The following ZNF737 variants were observed in gnomAD, a reference collection of about 807,000 sequenced individuals.
The protein encoded by ZNF737 is zinc finger protein 102 (Y3).
ZNF737 carries 13 observed loss-of-function variants against 11.7 expected under a neutral mutation model. That is an observed-to-expected ratio of 1.11 (90% confidence interval 0.73 to 1.77). The LOEUF (loss-of-function observed/expected upper bound fraction) is 1.77. ZNF737 is among the 40% of genes most tolerant of loss of function. The pLI, the probability that ZNF737 is intolerant of heterozygous loss-of-function variation, is 0.00. For missense variants in ZNF737, 636 were observed against 638.0 expected, an observed-to-expected ratio of 1.00 and a Z score of 0.03; for synonymous variants, 217 against 216.2, an observed-to-expected ratio of 1.00 and a Z score of -0.03.
At chr19:20,554,732 C>T (rs187551406) in intron 1 of ZNF737, among the ~76,000 whole-genome samples, 2,484 of 152,252 alleles carry the variant, frequency 0.016, 29 homozygotes, top group Non-Finnish European at 0.028. Flanking sequence ...ACAGATAACT[C>T]CTGTGTTCTG....
rs1486867020 is a variant in ZNF737, at chr19:20,539,116, T to G, written c.*5476A>C. On this transcript the variant is annotated 3_prime_UTR_variant, in exon 4 of 4. Coordinates refer to ENST00000427401, the MANE Select transcript of ZNF737 (RefSeq NM_001159293.2). ...TTCAAGACAAGCCTGGCTAACATGA[T>G]GAAATCCCATCTCTACTACAAAAAT... 2.0e-5 allele frequency: 12 copies of G among 602,966 alleles called. No individual in the cohort carries two copies. The highest frequency in any genetic ancestry group is 2.4e-5 in the Non-Finnish European group (12 of 500,344). The allele number at this position is 602,966 out of a possible 1,614,324, so 37.4% of individuals were successfully genotyped here. A position where few individuals can be genotyped will look rare whatever the true frequency, so the allele number is the denominator to read the frequency against.
rs1555756118 is a variant in ZNF737 at position 20,544,791 on chromosome 19, T to C, written c.1412A>G (p.His471Arg). The C allele has an allele frequency of 2.5e-6, 4 of 1,609,590 alleles. No homozygotes were observed. The highest frequency in any genetic ancestry group is 1.7e-5 in the Admixed American group (1 of 59,288). Residue 471 changes from histidine to arginine, a missense_variant, in exon 4 of 4, where the codon CAT (histidine) becomes CGT (arginine). His to Arg is a conservative substitution (Grantham distance 29). Transcript: ENST00000427401. ...TTTCTCTCCAGTATGAATTCTCTTA[T>C]GTGCAGTAAGGTGTGAGGACGAGTT... ...AFNSSSHLTAHKRIHTGEKPY... is the reference protein window; with the variant it reads ...AFNSSSHLTARKRIHTGEKPY...
rs185186708 is a variant in ZNF737, at chr19:20,562,583, C to T, written c.3+3055G>A. Among the ~76,000 whole-genome samples the T allele has an allele frequency of 2.0e-5, 3 of 151,724 alleles. No homozygotes were observed. The East Asian group carries it at 5.8e-4, about 29-fold the overall frequency. On this transcript the variant is annotated intron_variant, in intron 1 of 3. Transcript: ENST00000427401. ...ATGTTGGTCAGGCTGGTCTCGAACT[C>T]CCGACCTCAGGTGATCTGCCCACCT...
chr19:20,543,342 A>T lies in ZNF737; in HGVS notation c.*1250T>A, dbSNP rs544734594. ...TGTGTGCAATAAGATCTGTGATACT[A>T]GTAAATGTACTATGTAACTCCCTTT... On this transcript the variant is annotated 3_prime_UTR_variant, in exon 4 of 4. Transcript: ENST00000427401. 1.0e-6 allele frequency: 1 copy of T among 986,412 alleles called. No individual in the cohort carries two copies. Among genetic ancestry groups the T allele is most frequent in the African/African-American group, 1.7e-5 (1 of 57,416 alleles). The allele number at this position is 986,412 out of a possible 1,614,324, so 61.1% of individuals were successfully genotyped here.
At chr19:20,531,070 A>G (rs1366665964), downstream of ZNF737, among the ~76,000 whole-genome samples, 1 of 146,810 alleles carries the variant, frequency 6.8e-6, no homozygotes, top group African/African-American at 2.5e-5. Flanking sequence ...CACCAAAAAA[A>G]TACGAAAACC....
At chr19:20,548,727 T>C (rs1435400242) in intron 3 of ZNF737, among the ~76,000 whole-genome samples, 2 of 147,280 alleles carry the variant, frequency 1.4e-5, no homozygotes, top group Non-Finnish European at 3.0e-5. Context: ...CAGCTGCACA[T>C]CACTATGGCT....
chr19:20,550,850 C>T (rs898290738), intron 3 of ZNF737, among the ~76,000 whole-genome samples: 2 of 152,230 alleles, frequency 1.3e-5, no homozygotes, highest in Non-Finnish European at 2.9e-5. Flanking sequence ...CTCTCATTCA[C>T]GTGGGAAACT....
chr19:20,547,805 C>A (rs1033033696), intron 3 of ZNF737, among the ~76,000 whole-genome samples: 3 of 152,044 alleles, frequency 2.0e-5, no homozygotes, highest in Non-Finnish European at 2.9e-5. Flanking sequence ...AAAGACACAG[C>A]CATTATTTTA....
At chr19:20,557,796 T>C (rs1968945067) in intron 1 of ZNF737, among the ~76,000 whole-genome samples, 1 of 151,998 alleles carries the variant, frequency 6.6e-6, no homozygotes, top group African/African-American at 2.4e-5. Flanking sequence ...TTTGTATTAT[T>C]AGTAGAGACA....
chr19:20,532,330 A>C (rs1470725216), downstream of ZNF737, among the ~76,000 whole-genome samples: 1 of 150,162 alleles, frequency 6.7e-6, no homozygotes, highest in Non-Finnish European at 1.5e-5. Context: ...TCTCAGCTTC[A>C]GGGGTAGAAT....
chr19:20,544,965 G>GTAAGGGAAGAGGAGTACT lies in ZNF737; in HGVS notation c.1220_1237dup (p.Lys407_Leu412dup), dbSNP rs1555756323. On this transcript the variant is annotated inframe_insertion, in exon 4 of 4. Coordinates refer to ENST00000427401, the MANE Select transcript of ZNF737 (RefSeq NM_001159293.2). ...TCCAGTATGGATTATCTTATGTGTAGTAAGGGAAGAGGAGTACTTAAAGGC... is the reference window on the plus strand; with the variant it reads ...TCCAGTATGGATTATCTTATGTGTAGTAAGGGAAGAGGAGTACTTAAGGGAAGAGGAGTACTTAAAGGC... 1.9e-6 allele frequency: 3 copies of GTAAGGGAAGAGGAGTACT among 1,612,982 alleles called. No homozygotes were observed. In the African/African-American group the frequency reaches 4.0e-5, roughly 22 times the overall value.
In ZNF737 at chr19:20,544,831, A is replaced by G. The variant is rs1555756176; in HGVS notation, c.1372T>C (p.Cys458Arg). 1 of 1,613,394 alleles carries G rather than the reference A, an allele frequency of 6.2e-7. No homozygotes were observed. Among genetic ancestry groups the G allele is most frequent in the East Asian group, 2.2e-5 (1 of 44,838 alleles). The part of the protein sequence containing the change: ...TGEKPYKCEE[C>R]GKAFNSSSHL... ...GAGGACGAGTTGAAGGCTTTGCCACATTCTTCACATTTGTAGGGTTTCTCT... is the reference window on the plus strand; with the variant it reads ...GAGGACGAGTTGAAGGCTTTGCCACGTTCTTCACATTTGTAGGGTTTCTCT... Residue 458 changes from cysteine to arginine, a missense_variant, in exon 4 of 4, where the codon TGT becomes CGT. Coordinates refer to ENST00000427401, the MANE Select transcript of ZNF737 (RefSeq NM_001159293.2).
chr19:20,541,429 C>A lies in ZNF737; in HGVS notation c.*3163G>T. Reference sequence around the variant, plus strand: ...CAAGTATTTATAATTTTTCAGGACTCAGAAATGTATGGATTTTATTTTTAT... The same window carrying A: ...CAAGTATTTATAATTTTTCAGGACTAAGAAATGTATGGATTTTATTTTTAT... On this transcript the variant is annotated 3_prime_UTR_variant, in exon 4 of 4. Transcript: ENST00000427401. 1 of 976,274 alleles carries A rather than the reference C, an allele frequency of 1.0e-6. No homozygotes were observed. Among genetic ancestry groups the A allele is most frequent in the Non-Finnish European group, 1.2e-6 (1 of 821,698 alleles). 60.5% of individuals were successfully genotyped at this position (976,274 alleles called of 1,614,324 possible).
At chr19:20,562,801 T>C (rs1234334898) in intron 1 of ZNF737, among the ~76,000 whole-genome samples, 1 of 152,048 alleles carries the variant, frequency 6.6e-6, no homozygotes, top group Non-Finnish European at 1.5e-5. Flanking sequence ...CTTATCTCCC[T>C]CCCTCAGGCT....
intron 1 of ZNF737, among the ~76,000 whole-genome samples, chr19:20,555,595 A>T (rs1336838361): frequency 6.6e-6 from 1 of 152,220 alleles, no homozygotes. Flanking sequence ...CCAATAGAAC[A>T]TGAGAAGTTA....
intron 3 of ZNF737, among the ~76,000 whole-genome samples, chr19:20,546,922 CTG>C (rs1445303864): frequency 2.0e-5 from 3 of 152,160 alleles, no homozygotes; most frequent in Non-Finnish European, 4.4e-5. Context: ...AAATTACACA[CTG>C]TGTGTTTTCT....
At chr19:20,535,333 A>G (rs1417358169), downstream of ZNF737, among the ~76,000 whole-genome samples, 1 of 152,110 alleles carries the variant, frequency 6.6e-6, no homozygotes, top group Non-Finnish European at 1.5e-5. Flanking sequence ...GATTACTCAC[A>G]ATAGCTAAGG....
Position 20,565,633 on chromosome 19 carries a change from C to G in ZNF737, c.3+5G>C, listed in dbSNP as rs1489165833. The G allele has an allele frequency of 6.2e-7, 1 of 1,614,116 alleles. No homozygotes were observed. The highest frequency in any genetic ancestry group is 1.7e-5 in the Admixed American group (1 of 60,010). ...TCTCTCGGGATGTCGGACCGGCACT[C>G]TCACCATTTCTAGGCTTCCAGGGGC... On this transcript the variant is annotated splice_donor_5th_base_variant and intron_variant, in intron 1 of 3. Transcript: ENST00000427401.
Position 20,540,998 on chromosome 19 carries a change from C to T in ZNF737, c.*3594G>A, listed in dbSNP as rs950670472. The T allele has an allele frequency of 7.0e-5, 65 of 924,764 alleles. No homozygotes were observed. In the African/African-American group the frequency reaches 1.2e-3, roughly 17 times the overall value. 57.3% of individuals were successfully genotyped at this position (924,764 alleles called of 1,614,324 possible). On this transcript the variant is annotated 3_prime_UTR_variant, in exon 4 of 4. Transcript: ENST00000427401. Reference sequence around the variant, plus strand: ...TAAGTGTTAAAAATGATTTTTTTTTCCTGTTTTAAGAGGGCTTTTATTATT... The same window carrying T: ...TAAGTGTTAAAAATGATTTTTTTTTTCTGTTTTAAGAGGGCTTTTATTATT...
Sources: gnomAD v4.1 joint callset for allele counts (sites outside exome capture counted in the v4.1 genomes callset) on GRCh38, gnomAD v4.1.1 for gene constraint, MANE v1.5 for transcripts, NCBI Gene and HGNC (gene_info 2026-07-23, HGNC 2026-07-21) for gene names.